The following CEP126 variants were observed in gnomAD, a reference collection of about 807,000 sequenced individuals.
CEP126 encodes the protein centrosomal protein of 126 kDa.
Under a neutral mutation model 107.8 loss-of-function variants are expected in CEP126, and 74 were observed. The observed-to-expected ratio is 0.69, with a 90% CI of 0.57 to 0.83. CEP126 has a LOEUF of 0.83. Among genes scored for constraint, CEP126 ranks in the 40% least tolerant of loss-of-function variants. The pLI, the probability that CEP126 is intolerant of heterozygous loss-of-function variation, is 0.00. For missense variants in CEP126, 1,237 were observed against 1,281.9 expected (o/e 0.96, Z 0.53); for synonymous variants, 449 against 446.0 (o/e 1.01, Z -0.08).
At chr11:101,986,754 A>G (rs1482932121) in intron 8 of CEP126, 78 bp from the exon 9 acceptor site, 13 of 951,004 alleles carry the variant, frequency 1.4e-5, no homozygotes, top group Non-Finnish European at 1.8e-5. Context: ...AAGCATGTAT[A>G]AGTATATGTA....
chr11:101,958,815 C>A (rs918444869), intron 5 of CEP126, among the ~76,000 whole-genome samples: 1 of 151,936 alleles, frequency 6.6e-6, no homozygotes, highest in African/African-American at 2.4e-5. Context: ...TTTAATAAAC[C>A]AATATAAGAT....
chr11:101,924,584 AC>A (rs2137080369), intron 2 of CEP126, among the ~76,000 whole-genome samples: 1 of 150,692 alleles, frequency 6.6e-6, no homozygotes, highest in East Asian at 1.9e-4. Flanking sequence ...CCCTGCCTCA[AC>A]CCCCCGAATA....
intron 4 of CEP126, chr11:101,956,365 T>C (rs1364806890): frequency 3.1e-5 from 14 of 456,280 alleles, no homozygotes; most frequent in South Asian, 4.6e-5. Context: ...CTCTTTCTTA[T>C]GTCACTCCGT....
In CEP126 at chr11:101,915,125, C is replaced by T; in HGVS notation, c.-160C>T. ...ATCGCCGCTACAGGCACCAGTGCCG[C>T]TGCGCGGGAGCTAGGGCTGTCGAGG... On this transcript the variant is annotated 5_prime_UTR_variant, in exon 1 of 11. Coordinates refer to ENST00000263468, the MANE Select transcript of CEP126 (RefSeq NM_020802.4). 2.7e-6 allele frequency: 3 copies of T among 1,112,940 alleles called. No homozygotes were observed. The highest frequency in any genetic ancestry group is 3.7e-6 in the Non-Finnish European group (3 of 802,080). The allele number at this position is 1,112,940 out of a possible 1,614,324, so 68.9% of individuals were successfully genotyped here. A position where few individuals can be genotyped will look rare whatever the true frequency, so the allele number is the denominator to read the frequency against.
chr11:101,994,498 T>G (rs1174355441), intron 10 of CEP126, among the ~76,000 whole-genome samples: 1 of 152,172 alleles, frequency 6.6e-6, no homozygotes, highest in Non-Finnish European at 1.5e-5. Context: ...TTTTATAGTT[T>G]TAGGTTTCAT....
At chr11:101,970,473 GC>G (rs1377174986) in intron 6 of CEP126, among the ~76,000 whole-genome samples, 1 of 152,004 alleles carries the variant, frequency 6.6e-6, no homozygotes, top group African/African-American at 2.4e-5. Flanking sequence ...GACATGAGTG[GC>G]TGTGAAATCT....
intron 9 of CEP126, 24 bp downstream of exon 9, chr11:101,987,065 A>C: frequency 7.0e-7 from 1 of 1,436,518 alleles, no homozygotes; most frequent in Non-Finnish European, 9.7e-7. Context: ...AACACCTTTT[A>C]TAAGAAATAC....
intron 7 of CEP126, among the ~76,000 whole-genome samples, chr11:101,980,421 C>A (rs1398194970): frequency 6.6e-6 from 1 of 152,104 alleles, no homozygotes; most frequent in Non-Finnish European, 1.5e-5. Flanking sequence ...TCTGTAAATT[C>A]ATTTTTATTT....
intron 2 of CEP126, among the ~76,000 whole-genome samples, chr11:101,927,894 T>C (rs1215981820): frequency 6.6e-6 from 1 of 152,174 alleles, no homozygotes; most frequent in African/African-American, 2.4e-5. Context: ...ACATAAGCCT[T>C]TATTTCTCTG....
At chr11:101,957,127 A>G (rs1040530575) in intron 4 of CEP126, among the ~76,000 whole-genome samples, 6 of 152,190 alleles carry the variant, frequency 3.9e-5, no homozygotes, top group African/African-American at 1.4e-4. Flanking sequence ...ATGTGTGATC[A>G]CAAAGGGATA....
In CEP126 at chr11:101,977,755, T is replaced by G. The variant is rs79688097; in HGVS notation, c.2846-592T>G. Among the ~76,000 whole-genome samples, 934 of 152,300 alleles carry G rather than the reference T, an allele frequency of 6.1e-3. 12 individuals carry two copies. Among genetic ancestry groups the G allele is most frequent in the African/African-American group, 0.022 (904 of 41,560 alleles). ...CCTACAAAAGTTATTTTAGCCACTT[T>G]GTTATTTTGTGAGAGCTTGTTAAGA... On this transcript the variant is annotated intron_variant, in intron 6 of 10. Coordinates refer to ENST00000263468, the MANE Select transcript of CEP126 (RefSeq NM_020802.4).
intron 6 of CEP126, among the ~76,000 whole-genome samples, chr11:101,972,030 A>G (rs926944399): frequency 1.1e-4 from 16 of 150,964 alleles, no homozygotes; most frequent in African/African-American, 3.9e-4. Context: ...AATCGCTTCA[A>G]TCACAAGGCG....
At chr11:101,973,871 C>T (rs1414019688) in intron 6 of CEP126, among the ~76,000 whole-genome samples, 1 of 151,996 alleles carries the variant, frequency 6.6e-6, no homozygotes, top group East Asian at 1.9e-4. Context: ...GAAATGTCTG[C>T]TCTTGTCATT....
intron 2 of CEP126, among the ~76,000 whole-genome samples, chr11:101,942,144 C>T (rs920873028): frequency 3.3e-5 from 5 of 151,936 alleles, no homozygotes; most frequent in East Asian, 1.9e-4. Context: ...TGATGAAGTT[C>T]AACTTATCTA....
At position 101,961,944 on chromosome 11, in the gene CEP126, C is replaced by T. The variant is rs1431586511; in HGVS notation, c.909C>T (p.Phe303=). 6 of 1,610,696 alleles carry T rather than the reference C, an allele frequency of 3.7e-6. No homozygotes were observed. Among genetic ancestry groups the T allele is most frequent in the Non-Finnish European group, 5.1e-6 (6 of 1,178,460 alleles). Residue 303 remains phenylalanine (F), a synonymous_variant, in exon 6 of 11, where the codon TTC becomes TTT. Transcript: ENST00000263468. The part of the protein sequence containing the change: ...LSCFDEDKLA[F]SKTQHINNWL... ...GCTTTGATGAAGATAAACTGGCATTCTCTAAAACTCAACATATAAATAATT... is the reference window on the plus strand; with the variant it reads ...GCTTTGATGAAGATAAACTGGCATTTTCTAAAACTCAACATATAAATAATT...
intron 4 of CEP126, among the ~76,000 whole-genome samples, chr11:101,951,109 G>A (rs1331842858): frequency 5.3e-5 from 8 of 152,166 alleles, no homozygotes; most frequent in Non-Finnish European, 1.0e-4. Flanking sequence ...GTAGTGAGAG[G>A]ATGAGAGAGA....
Position 101,963,124 on chromosome 11 carries a change from A to C in CEP126, c.2089A>C (p.Asn697His). ...KKSREDSISE[N>H]VTTLGGSGAD... is the part of the protein sequence containing the mutation. ...GTCCAGGGAGGATTCTATCTCTGAA[A>C]ATGTTACGACTTTAGGAGGATCTGG... The change falls in exon 6 of 11, where the codon AAT (asparagine) becomes CAT (histidine). Residue 697 changes from asparagine (N) to histidine (H), a missense_variant. By Grantham distance (68) the Asn-to-His change is moderately conservative. This residue lies in a region of CEP126 where 1,134 missense variants were observed against 1,150.5 expected (regional missense o/e 0.99). Coordinates refer to ENST00000263468, the MANE Select transcript of CEP126 (RefSeq NM_020802.4). 1 of 1,614,102 alleles carries C rather than the reference A, an allele frequency of 6.2e-7. No individual in the cohort carries two copies. Among genetic ancestry groups the C allele is most frequent in the Non-Finnish European group, 8.5e-7 (1 of 1,179,998 alleles).
Position 101,940,020 on chromosome 11 carries a change from A to T in CEP126, c.249-4245A>T, listed in dbSNP as rs894653461. Among the ~76,000 whole-genome samples, 59 of 152,340 alleles carry T rather than the reference A, an allele frequency of 3.9e-4. 1 individual carries two copies. The highest frequency in any genetic ancestry group is 1.4e-3 in the African/African-American group (57 of 41,582). ...TAAGATTCCTTCCTTACCTAACTAG[A>T]TAAATGTAAATTGTTCTCATTACCA... On this transcript the variant is annotated intron_variant, in intron 2 of 10. Transcript: ENST00000263468.
chr11:101,984,294 G>A (rs1217859961), intron 8 of CEP126, among the ~76,000 whole-genome samples: 3 of 152,146 alleles, frequency 2.0e-5, no homozygotes, highest in Non-Finnish European at 4.4e-5. Flanking sequence ...GTGCATTCCT[G>A]GCACAACCTC....
Sources: allele counts gnomAD v4.1 joint callset (sites outside exome capture counted in the v4.1 genomes callset), GRCh38; gene constraint gnomAD v4.1.1; regional missense constraint gnomAD v4.1.1; transcripts MANE v1.5; gene names NCBI Gene and HGNC (gene_info 2026-07-23, HGNC 2026-07-21).